DIS3L2: variants seen among roughly 807,000 people sequenced by gnomAD.
DIS3L2 encodes the protein DIS3 like 3'-5' exoribonuclease 2.
A neutral mutation model predicts 97.5 loss-of-function variants in DIS3L2; 34 were observed. That is an observed-to-expected ratio of 0.35 (90% CI 0.27 to 0.46). The LOEUF (loss-of-function observed/expected upper bound fraction) is 0.46. Ranked by LOEUF, DIS3L2 falls within the 20% of genes least tolerant of loss-of-function variation. The pLI is 1.00. For missense variants in DIS3L2, 1,038 were observed against 1,146.0 expected (o/e 0.91, Z 1.36); for synonymous variants, 435 against 445.2 (o/e 0.98, Z 0.29).
intron 9 of DIS3L2, among the ~76,000 whole-genome samples, chr2:232,207,856 A>T (rs910254623): frequency 6.6e-6 from 1 of 152,180 alleles, no homozygotes; most frequent in Non-Finnish European, 1.5e-5. Flanking sequence ...ACAATAATAC[A>T]TATCTGATCA....
In DIS3L2 at chr2:232,029,974, C is replaced by T. The variant is rs749251747; in HGVS notation, c.265-5C>T. On this transcript the variant is annotated splice_region_variant and splice_polypyrimidine_tract_variant and intron_variant, in intron 4 of 20. Transcript: ENST00000325385. ...ACTATTGTTTTATTTCTTTTTCCAA[C>T]CTAGGATGGTGATCGAGACATTTTT... 9 of 1,589,044 alleles carry T rather than the reference C, an allele frequency of 5.7e-6. No individual in the cohort carries two copies. The Admixed American group carries it at 7.3e-5, about 13-fold the overall frequency.
chr2:232,166,816 T>G (rs1690838051), intron 9 of DIS3L2, among the ~76,000 whole-genome samples: 1 of 147,432 alleles, frequency 6.8e-6, no homozygotes, highest in South Asian at 2.2e-4. Context: ...AGGTCAGGAG[T>G]TGGAGACCAG....
rs542081172 is a variant in DIS3L2 at position 231,983,420 on chromosome 2, C to T, written c.-94+21655C>T. 4.6e-5 allele frequency among the ~76,000 whole-genome samples: 7 copies of T among 152,232 alleles called. No homozygotes were observed. In the South Asian group the frequency reaches 8.3e-4, roughly 18 times the overall value. On this transcript the variant is annotated intron_variant, in intron 1 of 20. Coordinates refer to ENST00000325385, the MANE Select transcript of DIS3L2 (RefSeq NM_152383.5). ...TGTAAAACAGGGATCCTGAACTGTC[C>T]GTGGCCTGTTAGGAACTGGGCCACA...
downstream of DIS3L2, among the ~76,000 whole-genome samples, chr2:232,337,714 G>GTGTC (rs1696010726): frequency 6.6e-6 from 1 of 151,896 alleles, no homozygotes; most frequent in African/African-American, 2.4e-5. Context: ...ATTTCCTGGG[G>GTGTC]TGTCCGGATT....
At chr2:232,216,420 A>G (rs1435747054) in intron 10 of DIS3L2, among the ~76,000 whole-genome samples, 1 of 151,994 alleles carries the variant, frequency 6.6e-6, no homozygotes, top group Non-Finnish European at 1.5e-5. Flanking sequence ...TGCCCCTCTC[A>G]TGCTCTACAA....
chr2:232,103,445 CT>C (rs1697262198), intron 6 of DIS3L2, among the ~76,000 whole-genome samples: 1 of 152,106 alleles, frequency 6.6e-6, no homozygotes, highest in Admixed American at 6.6e-5. Context: ...CCTCAAGTGC[CT>C]TTTGAGCCTC....
intron 14 of DIS3L2, 27 bp from the exon 15 acceptor site, chr2:232,329,786 C>CCCCGGGGGGGGGGGG: frequency 4.6e-6 from 2 of 430,238 alleles, no homozygotes; most frequent in African/African-American, 2.1e-5. Context: ...CCCCAGCGGT[C>CCCCGGGGGGGGGGGG]CCTCCCATCC....
intron 10 of DIS3L2, among the ~76,000 whole-genome samples, chr2:232,225,909 A>G (rs1458943105): frequency 6.6e-6 from 1 of 152,228 alleles, no homozygotes; most frequent in East Asian, 1.9e-4. Flanking sequence ...ACTAGGTGAA[A>G]GAAGACAACC....
At chr2:232,095,530 T>C (rs966970966) in intron 6 of DIS3L2, among the ~76,000 whole-genome samples, 28 of 152,206 alleles carry the variant, frequency 1.8e-4, no homozygotes, top group African/African-American at 6.5e-4. Context: ...TGAATAGTTG[T>C]TGTAGTTATT....
intron 14 of DIS3L2, among the ~76,000 whole-genome samples, chr2:232,320,353 G>A (rs996162103): frequency 1.4e-4 from 21 of 152,170 alleles, no homozygotes; most frequent in African/African-American, 5.1e-4. Flanking sequence ...CAAGACAAAA[G>A]GAGTTTTCTT....
intron 13 of DIS3L2, among the ~76,000 whole-genome samples, chr2:232,299,145 C>T (rs1694795921): frequency 6.6e-6 from 1 of 152,176 alleles, no homozygotes; most frequent in Admixed American, 6.5e-5. Context: ...AATCCACCAG[C>T]ATATCTTGTT....
chr2:232,172,534 C>A, intron 9 of DIS3L2: 1 of 363,680 alleles, frequency 2.7e-6, no homozygotes, highest in East Asian at 8.4e-5. Flanking sequence ...TTTGTTTATT[C>A]ATTAGTTGAT....
intron 6 of DIS3L2, among the ~76,000 whole-genome samples, chr2:232,088,409 A>AAAAAAAAAG (rs1488819755): frequency 6.6e-6 from 1 of 150,736 alleles, no homozygotes; most frequent in Non-Finnish European, 1.5e-5. Flanking sequence ...AAAAAAAAAA[A>AAAAAAAAAG]AAAATAGCCG....
At chr2:232,101,925 C>T (rs1003745288) in intron 6 of DIS3L2, among the ~76,000 whole-genome samples, 2 of 152,176 alleles carry the variant, frequency 1.3e-5, no homozygotes, top group Admixed American at 6.5e-5. Flanking sequence ...TTTTGGGGAC[C>T]AAGATATTCA....
chr2:231,991,034 A>C (rs915299202), intron 1 of DIS3L2, among the ~76,000 whole-genome samples: 1 of 151,468 alleles, frequency 6.6e-6, no homozygotes, highest in Non-Finnish European at 1.5e-5. Flanking sequence ...GCCTCCCAAG[A>C]AGCTGGGACC....
chr2:232,176,854 T>C (rs1259538894), intron 9 of DIS3L2, among the ~76,000 whole-genome samples: 2 of 150,452 alleles, frequency 1.3e-5, no homozygotes, highest in Non-Finnish European at 3.0e-5. Context: ...GTGCACATTG[T>C]GCAGGTTAGT....
At chr2:232,251,989 A>G (rs1693430813) in intron 12 of DIS3L2, among the ~76,000 whole-genome samples, 1 of 54,654 alleles carries the variant, frequency 1.8e-5, no homozygotes, top group Admixed American at 2.9e-4. Flanking sequence ...CAGGAAGCAG[A>G]TAATCCAATA....
intron 3 of DIS3L2, among the ~76,000 whole-genome samples, chr2:232,022,435 G>A (rs1694544718): frequency 6.6e-6 from 1 of 152,110 alleles, no homozygotes. Flanking sequence ...TGAGCAACCT[G>A]TCTCTTTTCC....
At chr2:231,981,425 C>G (rs1484623145) in intron 1 of DIS3L2, among the ~76,000 whole-genome samples, 1 of 150,958 alleles carries the variant, frequency 6.6e-6, no homozygotes, top group Non-Finnish European at 1.5e-5. Context: ...TTTAGATGTT[C>G]TAGATAGTCA....
Sources: allele counts gnomAD v4.1 joint callset (sites outside exome capture counted in the v4.1 genomes callset), GRCh38; gene constraint gnomAD v4.1.1; transcripts MANE v1.5; gene names NCBI Gene and HGNC (gene_info 2026-07-23, HGNC 2026-07-21).